Variants in CTNNA3 observed in about 807,000 individuals in gnomAD.
The protein encoded by CTNNA3 is catenin alpha 3.
CTNNA3 carries 76 observed loss-of-function variants against 95.7 expected under a neutral mutation model. The ratio of observed to expected loss-of-function variants is 0.79; its 90% CI spans 0.66 to 0.96. The LOEUF (loss-of-function observed/expected upper bound fraction) is 0.96. CTNNA3 is among the 40% of genes least tolerant of loss of function. The pLI is 0.00. For missense variants in CTNNA3, 1,191 were observed against 1,089.8 expected, an observed-to-expected ratio of 1.09 and a Z score of -1.31; for synonymous variants, 431 against 374.4, an observed-to-expected ratio of 1.15 and a Z score of -1.74.
chr10:66,143,527 T>C (rs888449708), intron 13 of CTNNA3, among the ~76,000 whole-genome samples: 1 of 152,158 alleles, frequency 6.6e-6, no homozygotes, highest in Non-Finnish European at 1.5e-5. Context: ...CTACTCACAA[T>C]TAATTAAGCA....
At chr10:66,772,427 A>C (rs1840126968) in intron 8 of CTNNA3, among the ~76,000 whole-genome samples, 1 of 70,460 alleles carries the variant, frequency 1.4e-5, no homozygotes, top group Non-Finnish European at 2.6e-5. Flanking sequence ...TCTGTCTCAA[A>C]CAAAAAAAAA....
intron 1 of CTNNA3, among the ~76,000 whole-genome samples, chr10:67,744,115 C>T (rs1435663308): frequency 6.6e-6 from 1 of 151,284 alleles, no homozygotes; most frequent in East Asian, 1.9e-4. Flanking sequence ...CCCCATCAAG[C>T]TGCCAATGAC....
At chr10:66,973,215 AT>A (rs1245689023) in intron 7 of CTNNA3, among the ~76,000 whole-genome samples, 1 of 152,210 alleles carries the variant, frequency 6.6e-6, no homozygotes, top group Non-Finnish European at 1.5e-5. Flanking sequence ...AATATCAAAA[AT>A]GTCAGTTTCC....
intron 1 of CTNNA3, among the ~76,000 whole-genome samples, chr10:67,729,062 AT>A (rs1207490276): frequency 6.6e-6 from 1 of 152,168 alleles, no homozygotes; most frequent in African/African-American, 2.4e-5. Flanking sequence ...AATTTTTTAA[AT>A]TACACTTTTA....
intron 11 of CTNNA3, among the ~76,000 whole-genome samples, chr10:66,457,630 T>A (rs2093503140): frequency 7.9e-6 from 1 of 126,790 alleles, no homozygotes; most frequent in Non-Finnish European, 1.6e-5. Flanking sequence ...GCCTGACACA[T>A]TTGACTGGTT....
intron 15 of CTNNA3, among the ~76,000 whole-genome samples, chr10:66,024,113 G>T (rs533060220): frequency 1.2e-3 from 33 of 27,534 alleles, no homozygotes; most frequent in African/African-American, 2.9e-3. Flanking sequence ...TTTTTGAGAC[G>T]GAGTCTCGCT....
At chr10:65,996,026 G>A (rs1453722931) in intron 15 of CTNNA3, among the ~76,000 whole-genome samples, 15 of 152,198 alleles carry the variant, frequency 9.9e-5, no homozygotes, top group Admixed American at 9.8e-4. Flanking sequence ...TGACAGCAAT[G>A]AGCAGGGAGA....
At chr10:65,969,956 C>T (rs1442301807) in intron 16 of CTNNA3, among the ~76,000 whole-genome samples, 1 of 151,920 alleles carries the variant, frequency 6.6e-6, no homozygotes, top group Non-Finnish European at 1.5e-5. Flanking sequence ...GGAACGTCAC[C>T]AAGGCATATA....
rs1002068495 is a variant in CTNNA3, at chr10:66,084,155, A to G, written c.1978-14666T>C. ...CATCTCAAAAAAAAAAAAGAAAAAAAAAGAAAAAGAAAAAAAGAAAAGGAA... is the reference window on the plus strand; with the variant it reads ...CATCTCAAAAAAAAAAAAGAAAAAAGAAGAAAAAGAAAAAAAGAAAAGGAA... On this transcript the variant is annotated intron_variant, in intron 14 of 17. Coordinates refer to ENST00000433211, the MANE Select transcript of CTNNA3 (RefSeq NM_013266.4). Among the ~76,000 whole-genome samples, 5 of 82,480 alleles carry G rather than the reference A, an allele frequency of 6.1e-5. No individual in the cohort carries two copies. In the South Asian group the frequency reaches 2.3e-3, roughly 38 times the overall value. 54.1% of individuals were successfully genotyped at this position (82,480 alleles called of 152,430 possible).
At chr10:66,766,137 T>C (rs1332342948) in intron 9 of CTNNA3, 127 bp downstream of exon 9, 2 of 834,892 alleles carry the variant, frequency 2.4e-6, no homozygotes, top group African/African-American at 1.7e-5. Context: ...CATATTACTT[T>C]GGCCAGACTC....
intron 9 of CTNNA3, among the ~76,000 whole-genome samples, chr10:66,685,440 T>TCGGTTCACTGTA (rs1286509509): frequency 3.0e-5 from 4 of 131,614 alleles, no homozygotes; most frequent in Non-Finnish European, 6.3e-5. Context: ...TGGCGCTATC[T>TCGGTTCACTGTA]CGGTTCACTG....
At chr10:67,336,743 T>C (rs1842009477) in intron 5 of CTNNA3, among the ~76,000 whole-genome samples, 2 of 152,192 alleles carry the variant, frequency 1.3e-5, no homozygotes, top group South Asian at 4.1e-4. Flanking sequence ...CCAATGTTCA[T>C]TTACCATCTG....
chr10:66,301,092 C>T (rs2091856006), intron 12 of CTNNA3, among the ~76,000 whole-genome samples: 2 of 151,960 alleles, frequency 1.3e-5, no homozygotes, highest in Admixed American at 1.3e-4. Context: ...TAAATAATTC[C>T]TTGAAAGATA....
At chr10:66,346,081 A>C (rs1809722077) in intron 12 of CTNNA3, among the ~76,000 whole-genome samples, 1 of 149,946 alleles carries the variant, frequency 6.7e-6, no homozygotes, top group African/African-American at 2.4e-5. Context: ...CATCTCAAAA[A>C]AAAAAAAAAA....
intron 17 of CTNNA3, among the ~76,000 whole-genome samples, chr10:65,937,080 G>T (rs1160470711): frequency 1.3e-5 from 2 of 151,890 alleles, no homozygotes; most frequent in African/African-American, 4.8e-5. Flanking sequence ...CCAAATCTGT[G>T]CCTATTCCAC....
At chr10:67,450,052 A>G (rs752595880) in intron 5 of CTNNA3, among the ~76,000 whole-genome samples, 16 of 152,180 alleles carry the variant, frequency 1.1e-4, no homozygotes, top group African/African-American at 1.7e-4. Context: ...AAAAAGCTCA[A>G]TATCACTGAT....
At chr10:66,479,800 T>G (rs1839452843) in intron 11 of CTNNA3, among the ~76,000 whole-genome samples, 1 of 152,076 alleles carries the variant, frequency 6.6e-6, no homozygotes, top group Non-Finnish European at 1.5e-5. Context: ...TGTTTATTCT[T>G]TTTCGAAATA....
At chr10:67,337,846 T>A (rs1842049600) in intron 5 of CTNNA3, among the ~76,000 whole-genome samples, 1 of 152,146 alleles carries the variant, frequency 6.6e-6, no homozygotes, top group African/African-American at 2.4e-5. Flanking sequence ...ATGCACAGTG[T>A]TTTTGGATAT....
intron 13 of CTNNA3, among the ~76,000 whole-genome samples, chr10:66,205,987 A>T (rs961017998): frequency 7.2e-5 from 11 of 151,990 alleles, no homozygotes; most frequent in Non-Finnish European, 1.6e-4. Flanking sequence ...AAACCTTGTT[A>T]CACTCCAGAA....
Sources: allele counts gnomAD v4.1 joint callset (sites outside exome capture counted in the v4.1 genomes callset), GRCh38; gene constraint gnomAD v4.1.1; transcripts MANE v1.5; gene names NCBI Gene and HGNC (gene_info 2026-07-23, HGNC 2026-07-21).